The following ZMYM4 variants were observed in gnomAD, a reference collection of about 807,000 sequenced individuals.
ZMYM4 encodes the protein zinc finger MYM-type protein 4.
A neutral mutation model predicts 183.2 loss-of-function variants in ZMYM4; 31 were observed. The observed-to-expected ratio is 0.17, with a 90% CI of 0.13 to 0.23. The LOEUF is 0.23. Among genes scored for constraint, ZMYM4 ranks in the 10% least tolerant of loss-of-function variants. ZMYM4 has a pLI of 1.00. For missense variants in ZMYM4, 1,273 were observed against 1,840.3 expected (o/e 0.69, Z 5.64); for synonymous variants, 592 against 631.2 (o/e 0.94, Z 0.93).
chr1:35,389,193 A>G lies in ZMYM4; in HGVS notation c.2436+111A>G, dbSNP rs1644646650. 9.1e-7 allele frequency: 1 copy of G among 1,103,482 alleles called. No homozygotes were observed. The highest frequency in any genetic ancestry group is 1.7e-5 in the South Asian group (1 of 57,352). The allele number at this position is 1,103,482 out of a possible 1,614,324, so 68.4% of individuals were successfully genotyped here. On this transcript the variant is annotated intron_variant, in intron 14 of 29. Transcript: ENST00000314607. This position sits in a 1 kb window ranked among gnomAD's most constrained non-coding sequence, Gnocchi z 4.0. ...TAATTATTTAAAACTTTTAAGTATTAAATGTTTTATGCCTTCTAGCAATTA... is the reference window on the plus strand; with the variant it reads ...TAATTATTTAAAACTTTTAAGTATTGAATGTTTTATGCCTTCTAGCAATTA...
At chr1:35,275,322 A>G (rs1267961282) in intron 1 of ZMYM4, among the ~76,000 whole-genome samples, 4 of 151,548 alleles carry the variant, frequency 2.6e-5, no homozygotes, top group Non-Finnish European at 5.9e-5. Context: ...GCTCACTACA[A>G]CCTCCACCTC....
intron 16 of ZMYM4, 127 bp downstream of exon 16, chr1:35,392,479 G>A (rs1450483178): frequency 5.2e-6 from 7 of 1,348,424 alleles, no homozygotes; most frequent in Non-Finnish European, 7.1e-6. Flanking sequence ...GTGGCTTGCT[G>A]CACAAGTTTC....
rs527700861 is a variant in ZMYM4 at position 35,284,235 on chromosome 1, C to T, written c.39+15150C>T. Among the ~76,000 whole-genome samples the T allele has an allele frequency of 5.3e-5, 8 of 152,236 alleles. No homozygotes were observed. The East Asian group carries it at 1.5e-3, about 29-fold the overall frequency. ...TCATGATCCACCTGCCTCGGCCTCC[C>T]AAAGTGCTGGGATTACAGGCGTGAG... On this transcript the variant is annotated intron_variant, in intron 1 of 29. Transcript: ENST00000314607.
intron 7 of ZMYM4, among the ~76,000 whole-genome samples, chr1:35,379,462 C>G (rs962619328): frequency 1.4e-4 from 21 of 152,180 alleles, no homozygotes; most frequent in African/African-American, 4.6e-4. Flanking sequence ...TCTCCAACTC[C>G]TGACCCCAGT....
intron 1 of ZMYM4, among the ~76,000 whole-genome samples, chr1:35,269,682 C>T (rs116739611): frequency 0.012 from 1,778 of 152,258 alleles, 47 homozygotes; most frequent in African/African-American, 0.041. Context: ...CTAGCCTAGC[C>T]TCTTACTCGC....
chr1:35,387,174 G>A lies in ZMYM4; in HGVS notation c.2008G>A (p.Ala670Thr), dbSNP rs367642285. Residue 670 changes from alanine to threonine, a missense_variant, in exon 12 of 30, where the codon GCT (alanine) becomes ACT (threonine). Ala to Thr is a moderately conservative substitution (Grantham distance 58). Transcript: ENST00000314607. ...SSAAAGLQRL[A>T]AQSQHVGFAR... ...TGCTGCAGCTGGTCTCCAGCGTCTCGCTGCCCAGTCCCAGCATGTTGGGTT... is the reference window on the plus strand; with the variant it reads ...TGCTGCAGCTGGTCTCCAGCGTCTCACTGCCCAGTCCCAGCATGTTGGGTT... The A allele has an allele frequency of 9.3e-6, 15 of 1,614,078 alleles. No individual in the cohort carries two copies. In the African/African-American group the frequency reaches 1.1e-4, roughly 11 times the overall value.
intron 1 of ZMYM4, among the ~76,000 whole-genome samples, chr1:35,287,485 AT>A (rs1640559695): frequency 6.6e-6 from 1 of 152,172 alleles, no homozygotes; most frequent in Admixed American, 6.5e-5. Flanking sequence ...AATACTGCAA[AT>A]TCACTATGTC....
chr1:35,401,964 T>C (rs1326535696), intron 23 of ZMYM4, among the ~76,000 whole-genome samples: 2 of 152,216 alleles, frequency 1.3e-5, no homozygotes, highest in African/African-American at 2.4e-5. Flanking sequence ...TATTGACTTA[T>C]ATGTCTATTT....
At chr1:35,328,212 G>A (rs597298) in intron 2 of ZMYM4, among the ~76,000 whole-genome samples, 150,982 of 152,308 alleles carry the variant, frequency 0.99, 74,850 homozygotes, top group Non-Finnish European at 1. Flanking sequence ...TTTCTGGTAC[G>A]TGGTGTTTCT....
At chr1:35,289,706 T>A (rs1640666230) in intron 1 of ZMYM4, among the ~76,000 whole-genome samples, 1 of 152,150 alleles carries the variant, frequency 6.6e-6, no homozygotes, top group Admixed American at 6.6e-5. Context: ...CTTAACCCAC[T>A]ATCAACTAAG....
At chr1:35,415,371 T>G in intron 27 of ZMYM4, 95 bp from the exon 28 acceptor site, 1 of 1,495,338 alleles carries the variant, frequency 6.7e-7, no homozygotes, top group Non-Finnish European at 9.1e-7. Context: ...AGTCAGTTTT[T>G]CTCTTTATAT....
At chr1:35,353,542 T>C (rs545440684) in intron 2 of ZMYM4, among the ~76,000 whole-genome samples, 1 of 152,316 alleles carries the variant, frequency 6.6e-6, no homozygotes, top group East Asian at 1.9e-4. Context: ...ATACCATCCT[T>C]GCTTTTCCTC....
Position 35,377,255 on chromosome 1 carries a change from A to G in ZMYM4, c.1182-4004A>G, listed in dbSNP as rs372509292. Among the ~76,000 whole-genome samples, 38 of 152,316 alleles carry G rather than the reference A, an allele frequency of 2.5e-4. No homozygotes were observed. In the East Asian group the frequency reaches 5.4e-3, roughly 22 times the overall value. On this transcript the variant is annotated intron_variant, in intron 7 of 29. Coordinates refer to ENST00000314607, the MANE Select transcript of ZMYM4 (RefSeq NM_005095.3). ...AAGGGTTTCGTTAATGTCTGGCTCA[A>G]TGTAACTACTCACTAAATATCCTTC...
intron 2 of ZMYM4, among the ~76,000 whole-genome samples, chr1:35,340,708 G>A (rs1345813466): frequency 2.0e-5 from 3 of 152,032 alleles, no homozygotes; most frequent in Non-Finnish European, 2.9e-5. Context: ...CAGCTCAGGC[G>A]GTAATTCAAG....
intron 1 of ZMYM4, among the ~76,000 whole-genome samples, chr1:35,305,437 G>T (rs1375382585): frequency 6.6e-6 from 1 of 151,132 alleles, no homozygotes; most frequent in East Asian, 1.9e-4. Flanking sequence ...TTTTCTTTCT[G>T]TTTTTTTTAA....
chr1:35,372,394 A>AG (rs1644232932), intron 7 of ZMYM4, among the ~76,000 whole-genome samples: 1 of 152,224 alleles, frequency 6.6e-6, no homozygotes, highest in Non-Finnish European at 1.5e-5. Context: ...GAAAGGTGTC[A>AG]GGGAATGTTG....
intron 15 of ZMYM4, 47 bp from the exon 16 acceptor site, chr1:35,392,165 A>G (rs1399526431): frequency 6.2e-7 from 1 of 1,610,390 alleles, no homozygotes; most frequent in Non-Finnish European, 8.5e-7. Flanking sequence ...CTGTGTAAGT[A>G]CATATAAATC....
intron 2 of ZMYM4, among the ~76,000 whole-genome samples, chr1:35,337,912 C>T (rs1383727125): frequency 6.6e-6 from 1 of 152,070 alleles, no homozygotes; most frequent in Non-Finnish European, 1.5e-5. Context: ...GCACTCCAGC[C>T]TGGGTGACAG....
intron 26 of ZMYM4, among the ~76,000 whole-genome samples, chr1:35,412,008 G>A (rs898735209): frequency 6.6e-6 from 1 of 151,710 alleles, no homozygotes; most frequent in Non-Finnish European, 1.5e-5. Context: ...CTCAGCCTCC[G>A]AAGTAGCTGG....
Sources: allele counts gnomAD v4.1 joint callset (sites outside exome capture counted in the v4.1 genomes callset), GRCh38; gene constraint gnomAD v4.1.1; non-coding constraint Gnocchi (gnomAD v3.1); transcripts MANE v1.5; gene names NCBI Gene and HGNC (gene_info 2026-07-23, HGNC 2026-07-21).